Variants in PNPLA7 observed in about 807,000 individuals in gnomAD.
PNPLA7 encodes patatin-like phospholipase domain-containing protein 7.
PNPLA7 carries 153 observed loss-of-function variants against 161.7 expected under a neutral mutation model. The observed-to-expected ratio is 0.95, with a 90% CI of 0.83 to 1.08. The LOEUF is 1.08. Among genes scored for constraint, PNPLA7 ranks in the 50% least tolerant of loss-of-function variants. PNPLA7 has a pLI of 0.00. For missense variants in PNPLA7, 1,739 were observed against 1,856.6 expected, an observed-to-expected ratio of 0.94 and a Z score of 1.16; for synonymous variants, 809 against 782.1, an observed-to-expected ratio of 1.03 and a Z score of -0.57.
chr9:137,513,077 G>GT (rs1834323135), intron 12 of PNPLA7, among the ~76,000 whole-genome samples: 1 of 152,158 alleles, frequency 6.6e-6, no homozygotes, highest in Non-Finnish European at 1.5e-5. Flanking sequence ...TATTAATGGT[G>GT]TTGGGTAAAT....
intron 17 of PNPLA7, 90 bp from the exon 18 acceptor site, chr9:137,497,400 G>A: frequency 1.6e-6 from 2 of 1,236,002 alleles, no homozygotes; most frequent in Non-Finnish European, 1.0e-6. Flanking sequence ...TCAGGATGGA[G>A]AAAAAGAAAA....
intron 11 of PNPLA7, 123 bp downstream of exon 11, chr9:137,519,794 A>C: frequency 7.0e-6 from 9 of 1,294,798 alleles, no homozygotes; most frequent in Non-Finnish European, 8.3e-6. Flanking sequence ...GTGTGAGGTG[A>C]CCCGGGGATG....
chr9:137,493,000 A>G lies in PNPLA7; in HGVS notation c.2197+13T>C. 6.2e-7 allele frequency: 1 copy of G among 1,612,570 alleles called. No individual in the cohort carries two copies. The highest frequency in any genetic ancestry group is 8.5e-7 in the Non-Finnish European group (1 of 1,179,772). On this transcript the variant is annotated intron_variant, in intron 20 of 34. Coordinates refer to ENST00000406427, the MANE Select transcript of PNPLA7 (RefSeq NM_001098537.3). ...GGCTCCCAGGAGGCTCTGGGTTGGG[A>G]GAGGTGACCCACCTGTCACAGGTCC...
chr9:137,547,542 C>T lies in PNPLA7; in HGVS notation c.105+43G>A, dbSNP rs773727232. ...GGACAGGGAGAGGTGAAAAAGGCCACGGCCCATCCAGGTCTGGCTCCAGGG... is the reference window on the plus strand; with the variant it reads ...GGACAGGGAGAGGTGAAAAAGGCCATGGCCCATCCAGGTCTGGCTCCAGGG... On this transcript the variant is annotated intron_variant, in intron 2 of 34. Coordinates refer to ENST00000406427, the MANE Select transcript of PNPLA7 (RefSeq NM_001098537.3). The surrounding 1 kb of genome is among the most constrained non-coding windows in gnomAD (Gnocchi z 4.6). 7.5e-6 allele frequency: 12 copies of T among 1,606,860 alleles called. No individual in the cohort carries two copies. Among genetic ancestry groups the T allele is most frequent in the Admixed American group, 3.3e-5 (2 of 60,002 alleles).
intron 21 of PNPLA7, among the ~76,000 whole-genome samples, chr9:137,481,411 A>G (rs1832213938): frequency 6.6e-6 from 1 of 152,232 alleles, no homozygotes; most frequent in Non-Finnish European, 1.5e-5. Flanking sequence ...AACCCAGATC[A>G]TCGAGGTGCC....
At chr9:137,521,858 G>T (rs367564391) in intron 9 of PNPLA7, 142 bp from the exon 10 acceptor site, 1 of 602,870 alleles carries the variant, frequency 1.7e-6, no homozygotes. Context: ...GAAAAACCCC[G>T]CAGACTTGAC....
chr9:137,479,003 C>A, intron 24 of PNPLA7, 53 bp downstream of exon 24: 1 of 1,484,408 alleles, frequency 6.7e-7, no homozygotes, highest in South Asian at 1.3e-5. Context: ...TTCGAACGTT[C>A]GAGGAAATGA....
At chr9:137,509,759 G>A in intron 12 of PNPLA7, 1 of 455,492 alleles carries the variant, frequency 2.2e-6, no homozygotes, top group Non-Finnish European at 4.4e-6. Context: ...AGTAGACGCT[G>A]GTGTCTGTGG....
In PNPLA7 at chr9:137,460,215, G is replaced by A; in HGVS notation, c.*178C>T. On this transcript the variant is annotated 3_prime_UTR_variant, in exon 35 of 35. Coordinates refer to ENST00000406427, the MANE Select transcript of PNPLA7 (RefSeq NM_001098537.3). Reference sequence around the variant, plus strand: ...ACTGCAGGGGGGCTCACAGGGCCCTGTATGCAGGGCTGCTGGTACAAAGAA... The same window carrying A: ...ACTGCAGGGGGGCTCACAGGGCCCTATATGCAGGGCTGCTGGTACAAAGAA... The A allele has an allele frequency of 1.7e-6, 1 of 590,854 alleles. No homozygotes were observed. The highest frequency in any genetic ancestry group is 2.9e-5 in the East Asian group (1 of 34,552). The allele number at this position is 590,854 out of a possible 1,614,324, so 36.6% of individuals were successfully genotyped here.
intron 12 of PNPLA7, among the ~76,000 whole-genome samples, chr9:137,510,195 G>C (rs1244557766): frequency 6.6e-6 from 1 of 152,124 alleles, no homozygotes; most frequent in African/African-American, 2.4e-5. Flanking sequence ...GGGAAAGGGA[G>C]TCTCCCTTTC....
chr9:137,497,145 G>A, intron 18 of PNPLA7, 42 bp downstream of exon 18: 2 of 1,489,336 alleles, frequency 1.3e-6, no homozygotes, highest in Admixed American at 2.2e-5. Flanking sequence ...CTCTGGGAGG[G>A]ATGCAGAGGT....
Position 137,462,792 on chromosome 9 carries a change from T to C in PNPLA7, c.3385A>G (p.Ile1129Val). Residue 1129 changes from isoleucine to valine, a missense_variant, in exon 30 of 35, where the codon ATT (isoleucine) becomes GTT (valine). This residue lies in a region of PNPLA7 where 703 missense variants were observed against 694.6 expected (regional missense o/e 1.01). Transcript: ENST00000406427. ...GTCTCATCTCGGCTGCCCACGTCAATGGCGATCACCACTTTTGCCCCCATG... is the reference window on the plus strand; with the variant it reads ...GTCTCATCTCGGCTGCCCACGTCAACGGCGATCACCACTTTTGCCCCCATG... The part of the protein sequence containing the change: ...RSMGAKVVIA[I>V]DVGSRDETDL... 2 of 1,613,816 alleles carry C rather than the reference T, an allele frequency of 1.2e-6. No homozygotes were observed. The highest frequency in any genetic ancestry group is 1.7e-6 in the Non-Finnish European group (2 of 1,179,946).
At chr9:137,522,168 G>C (rs184434626) in intron 9 of PNPLA7, among the ~76,000 whole-genome samples, 2 of 152,104 alleles carry the variant, frequency 1.3e-5, no homozygotes, top group Non-Finnish European at 2.9e-5. Flanking sequence ...TCCGCCTCCC[G>C]GGTTCATGCC....
chr9:137,501,806 G>A (rs1198826282), intron 14 of PNPLA7, 79 bp from the exon 15 acceptor site: 1 of 1,422,336 alleles, frequency 7.0e-7, no homozygotes, highest in Admixed American at 1.9e-5. Flanking sequence ...GCACTGGGCT[G>A]TTCAGGGGCA....
intron 12 of PNPLA7, 129 bp downstream of exon 12, chr9:137,515,250 G>A: frequency 8.1e-7 from 1 of 1,238,846 alleles, no homozygotes. Flanking sequence ...GGCCCCCCTG[G>A]GCACGTGGGG....
intron 33 of PNPLA7, 22 bp from the exon 34 acceptor site, chr9:137,460,759 C>T (rs768105917): frequency 5.0e-6 from 8 of 1,597,892 alleles, no homozygotes; most frequent in East Asian, 4.5e-5. Context: ...GGTAGGGCTG[C>T]GTCAGTCCCC....
At chr9:137,491,752 G>A in intron 20 of PNPLA7, 1 of 985,460 alleles carries the variant, frequency 1.0e-6, no homozygotes, top group Non-Finnish European at 1.2e-6. Flanking sequence ...GACGTTCAAT[G>A]CTGTGCACAC....
rs765170630 is a variant in PNPLA7, at chr9:137,515,562, C to G, written c.1085-43G>C. 4 of 1,491,058 alleles carry G rather than the reference C, an allele frequency of 2.7e-6. No individual in the cohort carries two copies. The East Asian group carries it at 7.1e-5, about 27-fold the overall frequency. The allele number at this position is 1,491,058 out of a possible 1,614,324, so 92.4% of individuals were successfully genotyped here. ...GTAAGCAACCTTGTTTGCACGCACT[C>G]CCTGGTGTCTGGTGCAGCCCATTCG... On this transcript the variant is annotated intron_variant, in intron 11 of 34. Coordinates refer to ENST00000406427, the MANE Select transcript of PNPLA7 (RefSeq NM_001098537.3).
At chr9:137,509,364 TAGTACGAATGAGTTTAGCC>T (rs1304704704) in intron 12 of PNPLA7, 4,726 of 177,624 alleles carry the variant, frequency 0.027, 293 homozygotes, top group African/African-American at 0.1. Flanking sequence ...TGAGTTTAGC[TAGTACGAATGAGTTTAGCC>T]GGTATGAGTG....
Sources: gnomAD v4.1 joint callset for allele counts (sites outside exome capture counted in the v4.1 genomes callset) on GRCh38, gnomAD v4.1.1 for gene constraint, gnomAD v4.1.1 regional missense constraint, Gnocchi (gnomAD v3.1) non-coding constraint, MANE v1.5 for transcripts, NCBI Gene and HGNC (gene_info 2026-07-23, HGNC 2026-07-21) for gene names.